CCDC91: variants seen among roughly 807,000 people sequenced by gnomAD.
The protein encoded by CCDC91 is coiled-coil domain containing 91.
A neutral mutation model predicts 63.2 loss-of-function variants in CCDC91; 48 were observed. The ratio of observed to expected loss-of-function variants is 0.76; its 90% CI spans 0.60 to 0.97. The LOEUF is 0.97. Among genes scored for constraint, CCDC91 ranks in the 50% least tolerant of loss-of-function variants. CCDC91 has a pLI of 0.00. For synonymous variants in CCDC91, 167 were observed against 165.8 expected (o/e 1.01, Z -0.06); for missense variants, 500 against 494.6 (o/e 1.01, Z -0.10).
chr12:28,464,883 C>A (rs1224887300), intron 11 of CCDC91, among the ~76,000 whole-genome samples: 3 of 152,034 alleles, frequency 2.0e-5, no homozygotes, highest in Non-Finnish European at 4.4e-5. Flanking sequence ...CCAAGTAGAC[C>A]CCTAGGGTCC....
intron 8 of CCDC91, among the ~76,000 whole-genome samples, chr12:28,394,737 T>TCTCTCTC (rs1216042442): frequency 5.9e-5 from 9 of 151,684 alleles, no homozygotes; most frequent in Non-Finnish European, 1.2e-4. Context: ...TCTCTCCCCC[T>TCTCTCTC]TTTTCAGATT....
intron 1 of CCDC91, among the ~76,000 whole-genome samples, chr12:28,224,415 A>G (rs934348319): frequency 1.3e-5 from 2 of 152,166 alleles, no homozygotes; most frequent in Non-Finnish European, 2.9e-5. Context: ...TTCTAGGCTT[A>G]TATACTGGTA....
chr12:28,368,337 T>C (rs1220732412), intron 7 of CCDC91, among the ~76,000 whole-genome samples: 1 of 152,230 alleles, frequency 6.6e-6, no homozygotes, highest in East Asian at 1.9e-4. Context: ...AACTTATTTT[T>C]GGTGACTTTA....
In CCDC91 at chr12:28,338,293, T is replaced by C. The variant is rs1942149572; in HGVS notation, c.577-24145T>C. On this transcript the variant is annotated intron_variant, in intron 6 of 12. Transcript: ENST00000536442. ...TTTCTTATGTACTTATCACAGACTT[T>C]CCCCTAAACTCACCCCCATAGTGTT... 4.0e-5 allele frequency among the ~76,000 whole-genome samples: 6 copies of C among 150,518 alleles called. No homozygotes were observed. In the South Asian group the frequency reaches 1.3e-3, roughly 32 times the overall value.
intron 7 of CCDC91, among the ~76,000 whole-genome samples, chr12:28,371,524 T>G (rs1270667645): frequency 6.6e-6 from 1 of 152,220 alleles, no homozygotes; most frequent in Non-Finnish European, 1.5e-5. Flanking sequence ...AACCAATTTG[T>G]GTCTTTGAAT....
intron 8 of CCDC91, among the ~76,000 whole-genome samples, chr12:28,444,196 A>G (rs1949378862): frequency 6.6e-6 from 1 of 152,232 alleles, no homozygotes; most frequent in Non-Finnish European, 1.5e-5. Flanking sequence ...ATTATATGTT[A>G]TGAAACCTAT....
rs1257186460 is a variant in CCDC91, at chr12:28,484,156, A to G, written c.1206A>G (p.Glu402=). The G allele has an allele frequency of 1.3e-6, 2 of 1,592,550 alleles. No individual in the cohort carries two copies. Among genetic ancestry groups the G allele is most frequent in the Non-Finnish European group, 1.7e-6 (2 of 1,165,168 alleles). ...TRDELIEYIK[E]QKRLDQVIRQ... is the part of the protein sequence containing the mutation. ...ATGAATTGATAGAGTATATAAAAGA[A>G]CAGAAAAGGGTAAGTATCTCCTGAA... Residue 402 remains glutamate (E), a synonymous_variant, in exon 12 of 13, where the codon GAA becomes GAG. Coordinates refer to ENST00000536442, the MANE Select transcript of CCDC91 (RefSeq NM_018318.5).
intron 12 of CCDC91, among the ~76,000 whole-genome samples, chr12:28,489,341 A>T (rs974827708): frequency 5.9e-5 from 9 of 151,898 alleles, no homozygotes; most frequent in African/African-American, 2.2e-4. Context: ...ATGGCAGAAA[A>T]ATGAGATGGG....
At chr12:28,201,704 C>T (rs865778767) in intron 1 of CCDC91, among the ~76,000 whole-genome samples, 37 of 143,118 alleles carry the variant, frequency 2.6e-4, no homozygotes, top group Middle Eastern at 3.5e-3. Flanking sequence ...TGTAGCGAGC[C>T]GAGATCATGC....
chr12:28,295,582 A>G (rs749255596), intron 3 of CCDC91, among the ~76,000 whole-genome samples: 1 of 152,066 alleles, frequency 6.6e-6, no homozygotes, highest in Non-Finnish European at 1.5e-5. Flanking sequence ...AAAGTTTTCT[A>G]ATGTAAAGGA....
At chr12:28,542,866 C>A (rs1942727617) in intron 12 of CCDC91, among the ~76,000 whole-genome samples, 1 of 152,008 alleles carries the variant, frequency 6.6e-6, no homozygotes, top group African/African-American at 2.4e-5. Flanking sequence ...AAACACTACT[C>A]TGATATATGA....
intron 3 of CCDC91, among the ~76,000 whole-genome samples, chr12:28,280,693 G>A (rs1273492883): frequency 4.0e-5 from 6 of 151,812 alleles, no homozygotes; most frequent in Admixed American, 3.9e-4. Context: ...GAGATATACT[G>A]TGCAGCCTGA....
At chr12:28,244,478 A>G (rs1366442754) in intron 1 of CCDC91, among the ~76,000 whole-genome samples, 1 of 135,412 alleles carries the variant, frequency 7.4e-6, no homozygotes, top group Non-Finnish European at 1.5e-5. Context: ...AGAAACTTGG[A>G]CAATGTAGAA....
intron 8 of CCDC91, among the ~76,000 whole-genome samples, chr12:28,447,672 G>A: frequency 7.0e-6 from 1 of 142,182 alleles, no homozygotes; most frequent in Non-Finnish European, 1.5e-5. Flanking sequence ...GCAACATAGA[G>A]GATGAAGGAA....
At chr12:28,517,514 C>A (rs1394849748) in intron 12 of CCDC91, among the ~76,000 whole-genome samples, 2 of 151,904 alleles carry the variant, frequency 1.3e-5, no homozygotes, top group Admixed American at 6.6e-5. Flanking sequence ...ACAATGTTGT[C>A]AAATTTGAGG....
intron 7 of CCDC91, among the ~76,000 whole-genome samples, chr12:28,389,190 C>T (rs1389285656): frequency 6.6e-6 from 1 of 152,032 alleles, no homozygotes; most frequent in East Asian, 1.9e-4. Context: ...TAACAGGTCA[C>T]CAGGGTTGGG....
intron 11 of CCDC91, among the ~76,000 whole-genome samples, chr12:28,480,983 T>C (rs919154709): frequency 2.6e-4 from 40 of 152,140 alleles, no homozygotes; most frequent in African/African-American, 8.7e-4. Context: ...TATAACATCT[T>C]ATGTAAAATA....
chr12:28,273,454 T>C (rs917874445), intron 3 of CCDC91, among the ~76,000 whole-genome samples: 27 of 152,164 alleles, frequency 1.8e-4, no homozygotes, highest in Admixed American at 5.2e-4. Context: ...ACAGTCCCAC[T>C]AACAGTGTAA....
intron 12 of CCDC91, among the ~76,000 whole-genome samples, chr12:28,490,444 C>A (rs1259346019): frequency 1.3e-5 from 2 of 151,806 alleles, no homozygotes; most frequent in African/African-American, 4.8e-5. Flanking sequence ...TTTAAATCAT[C>A]AGAAGTTTAC....
Sources: allele counts gnomAD v4.1 joint callset (sites outside exome capture counted in the v4.1 genomes callset), GRCh38; gene constraint gnomAD v4.1.1; transcripts MANE v1.5; gene names NCBI Gene and HGNC (gene_info 2026-07-23, HGNC 2026-07-21).